ARSJ: variants seen among roughly 807,000 people sequenced by gnomAD.
The protein encoded by ARSJ is arylsulfatase family member J.
In ARSJ, 26 loss-of-function variants were observed where a neutral mutation model predicts 35.9. The ratio of observed to expected loss-of-function variants is 0.72; its 90% CI spans 0.53 to 1.00. The LOEUF is 1.00. Among genes scored for constraint, ARSJ ranks in the 50% least tolerant of loss-of-function variants. The pLI, the probability that ARSJ is intolerant of heterozygous loss-of-function variation, is 0.00. For missense variants in ARSJ, 667 were observed against 723.6 expected (o/e 0.92, Z 0.90); for synonymous variants, 294 against 267.6 (o/e 1.10, Z -0.96).
intron 1 of ARSJ, among the ~76,000 whole-genome samples, chr4:113,961,893 CTCTCTGTGTGTGTGTG>C (rs1013197823): frequency 1.6e-5 from 2 of 122,464 alleles, no homozygotes; most frequent in Non-Finnish European, 1.6e-5. Context: ...CTCTCTCTCT[CTCTCTGTGTGTGTGTG>C]TGTGTGTGTG....
chr4:113,907,797 T>A (rs1194686605), intron 1 of ARSJ, among the ~76,000 whole-genome samples: 1 of 152,160 alleles, frequency 6.6e-6, no homozygotes, highest in Non-Finnish European at 1.5e-5. Context: ...GTAATATGGA[T>A]GCAGCTGGAG....
At chr4:113,964,477 T>A (rs1346716547) in intron 1 of ARSJ, among the ~76,000 whole-genome samples, 1 of 152,116 alleles carries the variant, frequency 6.6e-6, no homozygotes, top group Non-Finnish European at 1.5e-5. Context: ...ACTTATTTTA[T>A]GAGAGAACAG....
chr4:113,943,025 A>C (rs1366575798), intron 1 of ARSJ, among the ~76,000 whole-genome samples: 3 of 152,008 alleles, frequency 2.0e-5, no homozygotes, highest in African/African-American at 7.2e-5. Context: ...ATCCCAATAC[A>C]TCTCAAACCC....
At chr4:113,919,732 A>G (rs560033127) in intron 1 of ARSJ, among the ~76,000 whole-genome samples, 61 of 152,280 alleles carry the variant, frequency 4.0e-4, no homozygotes, top group Non-Finnish European at 7.8e-4. Flanking sequence ...ACATAACCCC[A>G]TGTTTTTAGA....
intron 1 of ARSJ, among the ~76,000 whole-genome samples, chr4:113,930,658 G>A (rs555653699): frequency 4.0e-5 from 6 of 151,434 alleles, no homozygotes; most frequent in South Asian, 2.1e-4. Flanking sequence ...CATTTGACCC[G>A]GCCATCCCAT....
chr4:113,922,503 T>G (rs1723747846), intron 1 of ARSJ, among the ~76,000 whole-genome samples: 2 of 152,190 alleles, frequency 1.3e-5, no homozygotes, highest in African/African-American at 4.8e-5. Flanking sequence ...AGACATGTTC[T>G]GCAGTTGATG....
At chr4:113,951,706 T>G (rs1725874586) in intron 1 of ARSJ, among the ~76,000 whole-genome samples, 2 of 152,144 alleles carry the variant, frequency 1.3e-5, no homozygotes, top group Admixed American at 1.3e-4. Flanking sequence ...TCTCTCATTC[T>G]TCCTGCTCTT....
Position 113,952,482 on chromosome 4 carries a change from C to T in ARSJ, c.398+25955G>A, listed in dbSNP as rs62314636. On this transcript the variant is annotated intron_variant, in intron 1 of 1. Transcript: ENST00000315366. ...ATGAATGCTTTAAAATATTTTCATA[C>T]GCATATCAATATTTAAAATATGGCA... Among the ~76,000 whole-genome samples the T allele has an allele frequency of 4.1e-3, 616 of 152,092 alleles. 4 individuals carry two copies. The highest frequency in any genetic ancestry group is 0.014 in the African/African-American group (570 of 41,494).
chr4:113,907,801 G>C (rs1481115256), intron 1 of ARSJ, among the ~76,000 whole-genome samples: 14 of 152,144 alleles, frequency 9.2e-5, no homozygotes. Flanking sequence ...TATGGATGCA[G>C]CTGGAGGCCA....
At chr4:113,949,453 T>C (rs1725718240) in intron 1 of ARSJ, among the ~76,000 whole-genome samples, 1 of 152,072 alleles carries the variant, frequency 6.6e-6, no homozygotes, top group Non-Finnish European at 1.5e-5. Flanking sequence ...CCTTTATGCT[T>C]GACTTTCATC....
intron 1 of ARSJ, among the ~76,000 whole-genome samples, chr4:113,922,646 TTAGA>T (rs1398133045): frequency 3.3e-4 from 50 of 152,302 alleles, no homozygotes; most frequent in Middle Eastern, 6.8e-3. Flanking sequence ...TTGATAGTAA[TTAGA>T]TAGCATCAAA....
intron 1 of ARSJ, among the ~76,000 whole-genome samples, chr4:113,953,872 C>T (rs929305557): frequency 1.4e-4 from 22 of 151,892 alleles, no homozygotes; most frequent in Admixed American, 1.3e-4. Flanking sequence ...ATAGCTCAAG[C>T]GATAAGGTCC....
At chr4:113,922,870 T>G (rs956625319) in intron 1 of ARSJ, among the ~76,000 whole-genome samples, 2 of 152,210 alleles carry the variant, frequency 1.3e-5, no homozygotes, top group Non-Finnish European at 2.9e-5. Context: ...ATATGTCAAC[T>G]TGGCTAGGAT....
intron 1 of ARSJ, among the ~76,000 whole-genome samples, chr4:113,910,030 G>A (rs934318381): frequency 3.3e-5 from 5 of 151,890 alleles, no homozygotes; most frequent in African/African-American, 1.2e-4. Context: ...GTATTACCTT[G>A]GCTAAAAAAT....
chr4:113,972,536 G>T (rs1208830792), intron 1 of ARSJ, among the ~76,000 whole-genome samples: 1 of 151,910 alleles, frequency 6.6e-6, no homozygotes, highest in African/African-American at 2.4e-5. Flanking sequence ...AAGAGATGGG[G>T]TCTTGCTCTG....
chr4:113,965,884 C>T (rs1245476111), intron 1 of ARSJ, among the ~76,000 whole-genome samples: 1 of 151,954 alleles, frequency 6.6e-6, no homozygotes, highest in Non-Finnish European at 1.5e-5. Context: ...CTGAATCACT[C>T]TGTTCACATA....
chr4:113,935,241 T>C (rs1724693669), intron 1 of ARSJ, among the ~76,000 whole-genome samples: 1 of 151,882 alleles, frequency 6.6e-6, no homozygotes, highest in South Asian at 2.1e-4. Flanking sequence ...TCATGATAAT[T>C]TGCAATGTAA....
chr4:113,945,355 A>G (rs544705755), intron 1 of ARSJ, among the ~76,000 whole-genome samples: 1 of 152,120 alleles, frequency 6.6e-6, no homozygotes, highest in African/African-American at 2.4e-5. Flanking sequence ...CTAGACTGGT[A>G]TCAAACTCCT....
chr4:113,956,484 C>A (rs759081868), intron 1 of ARSJ, among the ~76,000 whole-genome samples: 4 of 151,906 alleles, frequency 2.6e-5, no homozygotes, highest in Non-Finnish European at 4.4e-5. Flanking sequence ...CATATAATGC[C>A]AAATACTTGG....
Sources: gnomAD v4.1 joint callset for allele counts (sites outside exome capture counted in the v4.1 genomes callset) on GRCh38, gnomAD v4.1.1 for gene constraint, MANE v1.5 for transcripts, NCBI Gene and HGNC (gene_info 2026-07-23, HGNC 2026-07-21) for gene names.